CERS6: variants seen among roughly 807,000 people sequenced by gnomAD.
The protein encoded by CERS6 is LAG1 homolog, ceramide synthase 6.
Under a neutral mutation model 56.8 loss-of-function variants are expected in CERS6, and 26 were observed. The observed-to-expected ratio is 0.46, with a 90% confidence interval of 0.34 to 0.63. The LOEUF is 0.63. Among genes scored for constraint, CERS6 ranks in the 30% least tolerant of loss-of-function variants. The probability of loss-of-function intolerance (pLI) is 0.01; values close to 1 mark genes in which losing one functional copy is unlikely to be tolerated. For synonymous variants in CERS6, 164 were observed against 173.3 expected (o/e 0.95, Z 0.42); for missense variants, 415 against 467.5 (o/e 0.89, Z 1.04).
intron 1 of CERS6, among the ~76,000 whole-genome samples, chr2:168,465,839 G>T (rs566369412): frequency 6.6e-6 from 1 of 152,194 alleles, no homozygotes; most frequent in South Asian, 2.1e-4. Context: ...CTTAACAATG[G>T]TTATGATGGT....
At chr2:168,457,020 G>A (rs1327143387) in intron 1 of CERS6, among the ~76,000 whole-genome samples, 1 of 152,202 alleles carries the variant, frequency 6.6e-6, no homozygotes, top group Non-Finnish European at 1.5e-5. Context: ...GCCGGGGCCC[G>A]CGCCACCCAC....
intron 1 of CERS6, among the ~76,000 whole-genome samples, chr2:168,483,202 G>A (rs932703841): frequency 1.3e-5 from 2 of 152,048 alleles, no homozygotes; most frequent in African/African-American, 4.8e-5. Context: ...CTGTGAAGTA[G>A]GTACTATTTT....
intron 8 of CERS6, among the ~76,000 whole-genome samples, chr2:168,751,017 A>G (rs1000993466): frequency 3.3e-5 from 5 of 152,296 alleles, no homozygotes; most frequent in South Asian, 2.1e-4. Context: ...CCCCCTTGCT[A>G]CCTTCACTTG....
At chr2:168,547,803 C>T (rs966911602) in intron 2 of CERS6, 102 bp downstream of exon 2, 2 of 793,630 alleles carry the variant, frequency 2.5e-6, no homozygotes, top group African/African-American at 1.7e-5. Context: ...TCAACTTTTG[C>T]CTAGCCTTAT....
chr2:168,470,804 T>C (rs1376650521), intron 1 of CERS6, among the ~76,000 whole-genome samples: 1 of 152,210 alleles, frequency 6.6e-6, no homozygotes, highest in African/African-American at 2.4e-5. Flanking sequence ...TTTATGTTCA[T>C]AGTTTTGAGT....
intron 3 of CERS6, among the ~76,000 whole-genome samples, chr2:168,622,077 A>G (rs1684484905): frequency 6.6e-6 from 1 of 152,214 alleles, no homozygotes; most frequent in South Asian, 2.1e-4. Flanking sequence ...GACTAATACA[A>G]TAAAAACCCA....
chr2:168,724,009 G>A (rs1369501780), intron 8 of CERS6, among the ~76,000 whole-genome samples: 1 of 152,162 alleles, frequency 6.6e-6, no homozygotes, highest in African/African-American at 2.4e-5. Flanking sequence ...TTCCTAATGT[G>A]TCCAGAATTG....
At position 168,611,619 on chromosome 2, in the gene CERS6, C is replaced by T. The variant is rs1404610394; in HGVS notation, c.408-19366C>T. Among the ~76,000 whole-genome samples the T allele has an allele frequency of 5.3e-5, 8 of 152,330 alleles. No homozygotes were observed. The South Asian group carries it at 1.7e-3, about 32-fold the overall frequency. ...AACACCACATTGCCATGGAAATTCA[C>T]TGCTGTACTTTTCACTTTCCAGCCC... On this transcript the variant is annotated intron_variant, in intron 3 of 9. Transcript: ENST00000305747.
chr2:168,645,181 A>AGAGAGAGAGAGAGAGAGT (rs1332171299), intron 4 of CERS6, among the ~76,000 whole-genome samples: 16 of 120,654 alleles, frequency 1.3e-4, no homozygotes, highest in South Asian at 5.9e-4. Flanking sequence ...AGAGAGAGAG[A>AGAGAGAGAGAGAGAGAGT]GAGAGAGAGT....
intron 4 of CERS6, among the ~76,000 whole-genome samples, chr2:168,641,671 CG>C (rs1408976914): frequency 6.6e-6 from 1 of 152,120 alleles, no homozygotes; most frequent in African/African-American, 2.4e-5. Context: ...CACCTTGTTT[CG>C]TCCCTGAGCC....
chr2:168,746,282 G>A (rs1004418939), intron 8 of CERS6, among the ~76,000 whole-genome samples: 2 of 152,164 alleles, frequency 1.3e-5, no homozygotes, highest in African/African-American at 4.8e-5. Flanking sequence ...TTAGAATTAC[G>A]GAATCTAAAC....
chr2:168,678,399 T>A (rs1400699054), intron 4 of CERS6, among the ~76,000 whole-genome samples: 2 of 152,198 alleles, frequency 1.3e-5, no homozygotes, highest in Non-Finnish European at 2.9e-5. Flanking sequence ...GCAAGGGGGC[T>A]GAGAAGCACT....
intron 1 of CERS6, among the ~76,000 whole-genome samples, chr2:168,543,528 A>C (rs1695410967): frequency 6.6e-6 from 1 of 152,132 alleles, no homozygotes; most frequent in Non-Finnish European, 1.5e-5. Flanking sequence ...ATAAAATTAT[A>C]GTAGTTGTGT....
At chr2:168,575,837 C>G (rs1225034280) in intron 3 of CERS6, among the ~76,000 whole-genome samples, 1 of 152,130 alleles carries the variant, frequency 6.6e-6, no homozygotes, top group Non-Finnish European at 1.5e-5. Context: ...TTCTGCCCAC[C>G]TGCCCCAACC....
chr2:168,634,892 C>T (rs1310364658), intron 4 of CERS6, among the ~76,000 whole-genome samples: 2 of 152,138 alleles, frequency 1.3e-5, no homozygotes, highest in Admixed American at 6.5e-5. Flanking sequence ...CAGAGGGAAC[C>T]ATCAAGCCTG....
intron 4 of CERS6, among the ~76,000 whole-genome samples, chr2:168,668,656 G>A (rs1250414014): frequency 6.6e-6 from 1 of 151,988 alleles, no homozygotes; most frequent in Non-Finnish European, 1.5e-5. Context: ...GTTTCACCGT[G>A]TTGGCTAGGC....
chr2:168,746,999 C>T (rs1684127778), intron 8 of CERS6, among the ~76,000 whole-genome samples: 2 of 151,446 alleles, frequency 1.3e-5, no homozygotes, highest in African/African-American at 2.4e-5. Context: ...TTCATTTAAT[C>T]GCACTTTAAA....
intron 3 of CERS6, among the ~76,000 whole-genome samples, chr2:168,608,730 A>G (rs762124105): frequency 7.9e-5 from 12 of 152,244 alleles, no homozygotes; most frequent in South Asian, 2.1e-4. Flanking sequence ...TTTTTGTACT[A>G]TTGAGTTTTA....
At chr2:168,728,463 C>T (rs1396590464) in intron 8 of CERS6, among the ~76,000 whole-genome samples, 1 of 144,362 alleles carries the variant, frequency 6.9e-6, no homozygotes, top group African/African-American at 2.6e-5. Flanking sequence ...GATCTCGGCT[C>T]ACTGCAACCT....
Sources: gnomAD v4.1 joint callset for allele counts (sites outside exome capture counted in the v4.1 genomes callset) on GRCh38, gnomAD v4.1.1 for gene constraint, MANE v1.5 for transcripts, NCBI Gene and HGNC (gene_info 2026-07-23, HGNC 2026-07-21) for gene names.